LUC7L2: variants seen among roughly 807,000 people sequenced by gnomAD.
LUC7L2 encodes LUC7 like 2, pre-mRNA splicing factor.
In LUC7L2, 25 loss-of-function variants were observed where a neutral mutation model predicts 52.8. The observed-to-expected ratio is 0.47, with a 90% CI of 0.34 to 0.66. The LOEUF (loss-of-function observed/expected upper bound fraction) is 0.66, where lower values mean the gene tolerates loss of function less well. LUC7L2 is among the 30% of genes least tolerant of loss of function. The pLI, the probability that LUC7L2 is intolerant of heterozygous loss-of-function variation, is 0.01. For synonymous variants in LUC7L2, 144 were observed against 160.9 expected (o/e 0.89, Z 0.80); for missense variants, 328 against 497.8 (o/e 0.66, Z 3.25).
At chr7:139,369,084 A>G (rs1800312192) in intron 1 of LUC7L2, among the ~76,000 whole-genome samples, 1 of 151,780 alleles carries the variant, frequency 6.6e-6, no homozygotes, top group Admixed American at 6.6e-5. Context: ...TGTCTTTTTT[A>G]ATAGATAAAT....
intron 1 of LUC7L2, among the ~76,000 whole-genome samples, chr7:139,343,163 C>G (rs916876177): frequency 6.6e-6 from 1 of 152,184 alleles, no homozygotes; most frequent in Non-Finnish European, 1.5e-5. Flanking sequence ...CTACATTAAC[C>G]TAGAATTCCC....
chr7:139,395,470 T>C (rs1794619723), intron 2 of LUC7L2, among the ~76,000 whole-genome samples: 1 of 152,162 alleles, frequency 6.6e-6, no homozygotes, highest in Non-Finnish European at 1.5e-5. Flanking sequence ...CTCAGCATGC[T>C]CAGTAACAGT....
chr7:139,351,871 G>A (rs974717771), intron 1 of LUC7L2, among the ~76,000 whole-genome samples: 1 of 152,176 alleles, frequency 6.6e-6, no homozygotes. Flanking sequence ...CCTACTACAT[G>A]GGTGATACTG....
In LUC7L2 at chr7:139,343,752, T is replaced by A. The variant is rs139631374; in HGVS notation, c.-26+3235T>A. On this transcript the variant is annotated intron_variant, in intron 1 of 10. Transcript: ENST00000541170. Reference sequence around the variant, plus strand: ...GAGTTCACGACCAGCCTGGGCAACATGGTGAAACCCTGTTTGTATAAAAAA... The same window carrying A: ...GAGTTCACGACCAGCCTGGGCAACAAGGTGAAACCCTGTTTGTATAAAAAA... Among the ~76,000 whole-genome samples the A allele has an allele frequency of 4.0e-3, 604 of 151,892 alleles. 7 individuals are homozygous for A. The highest frequency in any genetic ancestry group is 6.8e-3 in the Non-Finnish European group (462 of 67,932).
intron 8 of LUC7L2, among the ~76,000 whole-genome samples, chr7:139,414,041 G>A (rs896692599): frequency 1.3e-5 from 2 of 152,094 alleles, no homozygotes; most frequent in Non-Finnish European, 2.9e-5. Flanking sequence ...TTAGATATTT[G>A]GGCCAGAAAT....
At position 139,423,270 on chromosome 7, in the gene LUC7L2, G is replaced by A. The variant is rs2116370429; in HGVS notation, c.*930G>A. The A allele has an allele frequency of 2.5e-6, 1 of 398,968 alleles. No individual in the cohort carries two copies. Among genetic ancestry groups the A allele is most frequent in the East Asian group, 3.6e-5 (1 of 28,074 alleles). 24.7% of individuals were successfully genotyped at this position (398,968 alleles called of 1,614,324 possible). A position where few individuals can be genotyped will look rare whatever the true frequency, so the allele number is the denominator to read the frequency against. On this transcript the variant is annotated 3_prime_UTR_variant, in exon 10 of 10. Transcript: ENST00000354926. ...TGCCTTACTGTGCAAGGCACCAAAG[G>A]ACATAAATACGTACTTGCAAAGATT...
At chr7:139,345,698 G>A (rs941356663) in intron 1 of LUC7L2, 2 of 1,613,960 alleles carry the variant, frequency 1.2e-6, no homozygotes, top group Middle Eastern at 1.7e-4. Context: ...AGGGCTGGGA[G>A]CCATGAACAT....
chr7:139,366,353 G>T (rs1800152388), intron 1 of LUC7L2, among the ~76,000 whole-genome samples: 1 of 152,118 alleles, frequency 6.6e-6, no homozygotes, highest in Non-Finnish European at 1.5e-5. Flanking sequence ...TTAGATTTCT[G>T]CAGACCCCAG....
intron 2 of LUC7L2, among the ~76,000 whole-genome samples, chr7:139,379,183 C>G (rs1461693122): frequency 1.3e-5 from 2 of 152,014 alleles, no homozygotes; most frequent in East Asian, 1.9e-4. Context: ...ATATGATTTA[C>G]CAGTATTTTA....
chr7:139,382,208 AGAGATTG>A (rs1357136080), intron 2 of LUC7L2, among the ~76,000 whole-genome samples: 4 of 152,026 alleles, frequency 2.6e-5, no homozygotes, highest in Non-Finnish European at 5.9e-5. Flanking sequence ...TATTTTTAAT[AGAGATTG>A]GGTTTTACCA....
At chr7:139,415,734 A>G (rs1795567418) in intron 8 of LUC7L2, among the ~76,000 whole-genome samples, 1 of 151,828 alleles carries the variant, frequency 6.6e-6, no homozygotes, top group Non-Finnish European at 1.5e-5. Flanking sequence ...CCGTTTAAGG[A>G]TTAAGCAGTC....
chr7:139,383,969 C>T (rs971081419), intron 2 of LUC7L2, among the ~76,000 whole-genome samples: 6 of 147,814 alleles, frequency 4.1e-5, no homozygotes, highest in Admixed American at 1.3e-4. Context: ...AGGCTGGTTT[C>T]GAACTCCTGA....
chr7:139,383,154 T>A lies in LUC7L2; in HGVS notation c.156+6998T>A, dbSNP rs182153529. Reference sequence around the variant, plus strand: ...TTTTGAGACGGAGTTTTGCTCTTGTTGCCCAGGATGGAGTGCAGTGGCACG... The same window carrying A: ...TTTTGAGACGGAGTTTTGCTCTTGTAGCCCAGGATGGAGTGCAGTGGCACG... On this transcript the variant is annotated intron_variant, in intron 2 of 9. Coordinates refer to ENST00000354926, the MANE Select transcript of LUC7L2 (RefSeq NM_016019.5). Among the ~76,000 whole-genome samples the A allele has an allele frequency of 5.4e-3, 815 of 152,274 alleles. 10 individuals carry two copies. Among genetic ancestry groups the A allele is most frequent in the African/African-American group, 0.018 (749 of 41,574 alleles).
intron 1 of LUC7L2, chr7:139,340,555 C>CT (rs1218780050): frequency 5.0e-6 from 2 of 398,078 alleles, no homozygotes; most frequent in African/African-American, 4.1e-5. Context: ...CTTTTGTTCT[C>CT]TAACTACAAC....
At chr7:139,411,779 T>C (rs997499973) in intron 7 of LUC7L2, among the ~76,000 whole-genome samples, 1 of 152,190 alleles carries the variant, frequency 6.6e-6, no homozygotes, top group Non-Finnish European at 1.5e-5. Context: ...GAACTAGGTG[T>C]TCTAGAGATT....
chr7:139,362,711 A>G (rs1315066501), intron 1 of LUC7L2, among the ~76,000 whole-genome samples: 2 of 144,186 alleles, frequency 1.4e-5, no homozygotes, highest in Admixed American at 7.1e-5. Context: ...GACCCCCTCC[A>G]CTCTTAGTGT....
At chr7:139,370,649 T>A (rs967040583) in intron 1 of LUC7L2, among the ~76,000 whole-genome samples, 3 of 152,148 alleles carry the variant, frequency 2.0e-5, no homozygotes, top group African/African-American at 7.2e-5. Context: ...GTGATGGGGT[T>A]TCACCATGTT....
chr7:139,399,577 C>G (rs1569386725), intron 3 of LUC7L2, among the ~76,000 whole-genome samples: 1 of 143,848 alleles, frequency 7.0e-6, no homozygotes, highest in Non-Finnish European at 1.5e-5. Context: ...TCATGCTGTT[C>G]TGCTGTCTCA....
Position 139,360,217 on chromosome 7 carries a change from C to A in LUC7L2, c.-45C>A, listed in dbSNP as rs190082672. 4.7e-4 allele frequency: 701 copies of A among 1,491,856 alleles called. 1 individual carries two copies. The African/African-American group carries it at 8.4e-3, about 18-fold the overall frequency. The allele number at this position is 1,491,856 out of a possible 1,614,324, so 92.4% of individuals were successfully genotyped here. A position where few individuals can be genotyped will look rare whatever the true frequency, so the allele number is the denominator to read the frequency against. On this transcript the variant is annotated 5_prime_UTR_variant, in exon 1 of 10. Transcript: ENST00000354926. ...CCTTATCCCCCAGCCCAAAAGGGCC[C>A]GGTCTGCGCCCCACCCCCGCCCGTC...
Sources: gnomAD v4.1 joint callset for allele counts (sites outside exome capture counted in the v4.1 genomes callset) on GRCh38, gnomAD v4.1.1 for gene constraint, MANE v1.5 for transcripts, NCBI Gene and HGNC (gene_info 2026-07-23, HGNC 2026-07-21) for gene names.